The following CCL5 variants were observed in gnomAD, a reference collection of about 807,000 sequenced individuals.
The protein encoded by CCL5 is C-C motif chemokine 5.
A neutral mutation model predicts 9.0 loss-of-function variants in CCL5; 5 were observed. The observed-to-expected ratio is 0.55, with a 90% CI of 0.29 to 1.16. The LOEUF (loss-of-function observed/expected upper bound fraction) is 1.16, where lower values mean the gene tolerates loss of function less well. Ranked by LOEUF, CCL5 falls within the 50% of genes most tolerant of loss-of-function variation. The pLI, the probability that CCL5 is intolerant of heterozygous loss-of-function variation, is 0.08. For missense variants in CCL5, 183 were observed against 183.2 expected, an observed-to-expected ratio of 1.00 and a Z score of 0.01; for synonymous variants, 66 against 72.0, an observed-to-expected ratio of 0.92 and a Z score of 0.42.
chr17:35,877,780 T>A (rs750100585), intron 2 of CCL5, among the ~76,000 whole-genome samples: 7 of 152,218 alleles, frequency 4.6e-5, no homozygotes, highest in African/African-American at 1.7e-4. Context: ...GATGGATGGC[T>A]TTTTGTTTTT....
intron 1 of CCL5, among the ~76,000 whole-genome samples, 156 bp from the exon 2 acceptor site, chr17:35,878,795 A>C (rs768978513): frequency 4.6e-5 from 7 of 152,188 alleles, no homozygotes; most frequent in Non-Finnish European, 5.9e-5. Context: ...GCCATGGATA[A>C]ACAGTGGCAG....
chr17:35,872,211 C>T lies in CCL5; in HGVS notation c.*59G>A. 7.7e-7 allele frequency: 1 copy of T among 1,292,516 alleles called. No homozygotes were observed. The highest frequency in any genetic ancestry group is 1.0e-6 in the Non-Finnish European group (1 of 974,372). The allele number at this position is 1,292,516 out of a possible 1,614,324, so 80.1% of individuals were successfully genotyped here. A position where few individuals can be genotyped will look rare whatever the true frequency, so the allele number is the denominator to read the frequency against. On this transcript the variant is annotated 3_prime_UTR_variant, in exon 4 of 4. Transcript: ENST00000651122. ...GTGCTGGGATTACAGGCGTGAGCCA[C>T]CACGTCCAGCCTGGGGAAGGTTTTT...
chr17:35,874,462 A>G (rs1004348331), intron 3 of CCL5, among the ~76,000 whole-genome samples: 1 of 151,864 alleles, frequency 6.6e-6, no homozygotes, highest in African/African-American at 2.4e-5. Context: ...CACTTGGCTA[A>G]TTTTTAAAAA....
In CCL5 at chr17:35,880,339, T is replaced by C. The variant is rs1359391940; in HGVS notation, c.-34A>G. ...TGGGAGAGGCTGTGCGAGGTCCACG[T>C]GCTGTCTTGATCCTCTGCAGGAATC... On this transcript the variant is annotated 5_prime_UTR_variant, in exon 1 of 4. Transcript: ENST00000651122. The C allele has an allele frequency of 6.4e-7, 1 of 1,563,232 alleles. No individual in the cohort carries two copies. The highest frequency in any genetic ancestry group is 1.8e-5 in the Admixed American group (1 of 56,808).
intron 3 of CCL5, among the ~76,000 whole-genome samples, chr17:35,873,333 G>GC (rs1040630909): frequency 1.3e-5 from 2 of 151,746 alleles, no homozygotes; most frequent in African/African-American, 4.8e-5. Context: ...GACTATAGGC[G>GC]CCCCCCACCA....
At chr17:35,878,097 A>T (rs2088463685) in intron 2 of CCL5, among the ~76,000 whole-genome samples, 2 of 151,674 alleles carry the variant, frequency 1.3e-5, no homozygotes, top group South Asian at 4.1e-4. Flanking sequence ...ATCCTGGCTA[A>T]CACGGTGAAA....
chr17:35,876,069 C>T (rs969423115), intron 2 of CCL5, among the ~76,000 whole-genome samples: 1 of 152,094 alleles, frequency 6.6e-6, no homozygotes, highest in Non-Finnish European at 1.5e-5. Context: ...TGTACCAGAG[C>T]ATATTCTAAG....
At chr17:35,879,567 G>A (rs139449463) in intron 1 of CCL5, among the ~76,000 whole-genome samples, 52 of 150,488 alleles carry the variant, frequency 3.5e-4, no homozygotes, top group African/African-American at 1.2e-3. Flanking sequence ...CCCGGGAGAC[G>A]GAGCTTGCAG....
At chr17:35,879,490 C>T (rs1196879112) in intron 1 of CCL5, among the ~76,000 whole-genome samples, 2 of 152,020 alleles carry the variant, frequency 1.3e-5, no homozygotes, top group Non-Finnish European at 2.9e-5. Flanking sequence ...AAAACATTAG[C>T]AGGGTGTGGT....
At chr17:35,873,471 G>A (rs28914808) in intron 3 of CCL5, among the ~76,000 whole-genome samples, 63 of 152,332 alleles carry the variant, frequency 4.1e-4, no homozygotes, top group African/African-American at 1.5e-3. Flanking sequence ...ACAGGCATGA[G>A]CCACCGCGCC....
intron 1 of CCL5, 25 bp from the exon 2 acceptor site, chr17:35,878,664 G>C: frequency 1.3e-5 from 19 of 1,430,766 alleles, no homozygotes; most frequent in African/African-American, 1.4e-5. Context: ...GAAGGAGGGA[G>C]ACCCTTTTAT....
intron 2 of CCL5, among the ~76,000 whole-genome samples, 178 bp downstream of exon 2, chr17:35,878,350 C>T (rs534815909): frequency 4.1e-5 from 6 of 146,262 alleles, no homozygotes; most frequent in East Asian, 2.0e-4. Context: ...GGAGTGGGCA[C>T]GATTCTCTAA....
At position 35,872,204 on chromosome 17, in the gene CCL5, T is replaced by C; in HGVS notation, c.*66A>G. On this transcript the variant is annotated 3_prime_UTR_variant, in exon 4 of 4. Coordinates refer to ENST00000651122, the MANE Select transcript of CCL5 (RefSeq NM_001278736.2). ...TCCCAAAGTGCTGGGATTACAGGCGTGAGCCACCACGTCCAGCCTGGGGAA... is the reference window on the plus strand; with the variant it reads ...TCCCAAAGTGCTGGGATTACAGGCGCGAGCCACCACGTCCAGCCTGGGGAA... 4.0e-6 allele frequency: 5 copies of C among 1,234,892 alleles called. No homozygotes were observed. The South Asian group carries it at 8.5e-5, about 21-fold the overall frequency. 76.5% of individuals were successfully genotyped at this position (1,234,892 alleles called of 1,614,324 possible). A position where few individuals can be genotyped will look rare whatever the true frequency, so the allele number is the denominator to read the frequency against.
At position 35,872,055 on chromosome 17, in the gene CCL5, G is replaced by A. The variant is rs546847772; in HGVS notation, c.*215C>T. ...TCCTGCCTCAGCCTCCCGAGTAGCT[G>A]GGACTACAGGCGCCCGCTACCACGC... On this transcript the variant is annotated 3_prime_UTR_variant, in exon 4 of 4. Coordinates refer to ENST00000651122, the MANE Select transcript of CCL5 (RefSeq NM_001278736.2). 62 of 175,036 alleles carry A rather than the reference G, an allele frequency of 3.5e-4. 1 individual carries two copies. In the South Asian group the frequency reaches 7.2e-3, roughly 20 times the overall value. The allele number at this position is 175,036 out of a possible 1,614,324, so 10.8% of individuals were successfully genotyped here. A position where few individuals can be genotyped will look rare whatever the true frequency, so the allele number is the denominator to read the frequency against.
chr17:35,879,709 G>A (rs1016737610), intron 1 of CCL5, among the ~76,000 whole-genome samples: 8 of 150,104 alleles, frequency 5.3e-5, no homozygotes, highest in Non-Finnish European at 7.4e-5. Context: ...CATTTAATTA[G>A]CTTTTATTAT....
Position 35,872,364 on chromosome 17 carries a change from A to G in CCL5, c.371T>C (p.Leu124Pro). The change falls in exon 4 of 4, where the codon CTT becomes CCT. Residue 124 changes from leucine (L) to proline (P), a missense_variant. Transcript: ENST00000651122. ...GCAAATTTGTGTAAGTTCAGGTTCA[A>G]GGACTCTCCATCCTAGCTCATCTCC... 1 of 1,613,418 alleles carries G rather than the reference A, an allele frequency of 6.2e-7. No individual in the cohort carries two copies. Among genetic ancestry groups the G allele is most frequent in the Non-Finnish European group, 8.5e-7 (1 of 1,179,672 alleles).
rs114040990 is a variant in CCL5, at chr17:35,875,468, G to C, written c.270+93C>G. The C allele has an allele frequency of 2.7e-3, 1,106 of 417,146 alleles. 10 individuals are homozygous for C. Among genetic ancestry groups the C allele is most frequent in the African/African-American group, 0.022 (1,036 of 46,534 alleles). The allele number at this position is 417,146 out of a possible 1,614,324, so 25.8% of individuals were successfully genotyped here. A position where few individuals can be genotyped will look rare whatever the true frequency, so the allele number is the denominator to read the frequency against. ...TTTTTCTCCCACCCCGGTGTGCAGA[G>C]ATGAAAAGGGAACGGAAGCAATATT... On this transcript the variant is annotated intron_variant, in intron 3 of 3. Transcript: ENST00000651122.
chr17:35,878,274 C>T (rs71381485), intron 2 of CCL5, among the ~76,000 whole-genome samples: 1 of 104,152 alleles, frequency 9.6e-6, no homozygotes, highest in Admixed American at 1.4e-4. Flanking sequence ...CAGAGTGAGA[C>T]TCTGTCTCAA....
At position 35,878,537 on chromosome 17, in the gene CCL5, G is replaced by C. The variant is rs765819517; in HGVS notation, c.179C>G (p.Pro60Arg). Residue 60 changes from proline (P) to arginine (R), a missense_variant, in exon 2 of 4, where the codon CCA (proline) becomes CGA (arginine). By Grantham distance (103) the Pro-to-Arg change is moderately radical. Coordinates refer to ENST00000651122, the MANE Select transcript of CCL5 (RefSeq NM_001278736.2). The stretch of plus-strand genomic sequence containing the variant: ...TGGGGCTGAGACTCACACGACTGCT[G>C]GGTTGGAGCACTTGCCACTGGTGTA... 54 of 1,612,304 alleles carry C rather than the reference G, an allele frequency of 3.3e-5. No homozygotes were observed. The highest frequency in any genetic ancestry group is 5.0e-5 in the Admixed American group (3 of 59,982).
Sources: gnomAD v4.1 joint callset for allele counts (sites outside exome capture counted in the v4.1 genomes callset) on GRCh38, gnomAD v4.1.1 for gene constraint, MANE v1.5 for transcripts, NCBI Gene and HGNC (gene_info 2026-07-23, HGNC 2026-07-21) for gene names.